Variants in ANKH observed in about 807,000 individuals in gnomAD.
ANKH encodes the protein ANKH inorganic pyrophosphate transport regulator.
In ANKH, 15 loss-of-function variants were observed where a neutral mutation model predicts 49.0. The observed-to-expected ratio is 0.31, with a 90% CI of 0.20 to 0.47. The LOEUF is 0.47. Ranked by LOEUF, ANKH falls within the 20% of genes least tolerant of loss-of-function variation. ANKH has a pLI of 1.00. For missense variants in ANKH, 429 were observed against 652.0 expected (o/e 0.66, Z 3.72); for synonymous variants, 273 against 260.0 (o/e 1.05, Z -0.48).
At chr5:14,771,196 A>G (rs1739419045) in intron 1 of ANKH, among the ~76,000 whole-genome samples, 1 of 152,244 alleles carries the variant, frequency 6.6e-6, no homozygotes, top group Non-Finnish European at 1.5e-5. Flanking sequence ...ATCTTCAAAC[A>G]TATATAAGAA....
chr5:14,750,639 G>A (rs1580034460), intron 5 of ANKH, among the ~76,000 whole-genome samples: 1 of 152,342 alleles, frequency 6.6e-6, no homozygotes, highest in East Asian at 1.9e-4. Flanking sequence ...ACCTGAATAA[G>A]GGACTGGGAT....
At position 14,758,951 on chromosome 5, in the gene ANKH, G is replaced by A. The variant is rs751233409; in HGVS notation, c.314-353C>T. Among the ~76,000 whole-genome samples, 26 of 152,132 alleles carry A rather than the reference G, an allele frequency of 1.7e-4. 1 individual carries two copies. The highest frequency in any genetic ancestry group is 6.5e-4 in the Admixed American group (10 of 15,276). ...CAATGAACTGAATTTCTTTTTGAGA[G>A]TTTGCTTGGTATCAGCTTGCCCAGT... On this transcript the variant is annotated intron_variant, in intron 2 of 11. Transcript: ENST00000284268.
chr5:14,752,368 T>C (rs777350066), intron 4 of ANKH, among the ~76,000 whole-genome samples: 6 of 152,160 alleles, frequency 3.9e-5, no homozygotes, highest in Non-Finnish European at 7.3e-5. Flanking sequence ...TAAAACAACT[T>C]ACATTAACAT....
chr5:14,743,819 T>C (rs1738443334), intron 7 of ANKH, among the ~76,000 whole-genome samples: 1 of 152,234 alleles, frequency 6.6e-6, no homozygotes. Context: ...AAGGAATTTT[T>C]TTATAGCTCC....
intron 1 of ANKH, chr5:14,870,832 G>T (rs1456237065): frequency 6.5e-6 from 1 of 152,956 alleles, no homozygotes; most frequent in Non-Finnish European, 1.4e-5. Flanking sequence ...TCCCAAACTA[G>T]AAATAAATGG....
rs1742213703 is a variant in ANKH at position 14,854,918 on chromosome 5, T to C, written c.96+16434A>G. On this transcript the variant is annotated intron_variant, in intron 1 of 11. Transcript: ENST00000284268. ...ACCTCCCTCTAATTCAGTAGCTATT[T>C]TGAAACCAAATTATCTTTCAAATCT... Among the ~76,000 whole-genome samples the C allele has an allele frequency of 3.3e-5, 5 of 152,122 alleles. No individual in the cohort carries two copies. The South Asian group carries it at 8.3e-4, about 25-fold the overall frequency.
intron 1 of ANKH, among the ~76,000 whole-genome samples, chr5:14,857,521 G>A (rs1008136174): frequency 6.6e-6 from 1 of 152,086 alleles, no homozygotes; most frequent in Non-Finnish European, 1.5e-5. Context: ...AGCCAGGAGT[G>A]GTGGTGGGTG....
chr5:14,822,924 C>G (rs1741237369), intron 1 of ANKH, among the ~76,000 whole-genome samples: 1 of 152,084 alleles, frequency 6.6e-6, no homozygotes, highest in Non-Finnish European at 1.5e-5. Flanking sequence ...GTCCCAGCTA[C>G]TCGGGAGGCT....
chr5:14,797,905 C>T (rs1561060433), intron 1 of ANKH: 6 of 1,609,474 alleles, frequency 3.7e-6, no homozygotes, highest in Non-Finnish European at 5.1e-6. Flanking sequence ...GGGTTGCATT[C>T]TCCAGAAGGA....
intron 1 of ANKH, among the ~76,000 whole-genome samples, chr5:14,836,286 A>G (rs1440430140): frequency 6.6e-6 from 1 of 152,194 alleles, no homozygotes; most frequent in African/African-American, 2.4e-5. Flanking sequence ...GGCAGGAGAA[A>G]GAAATAAAGG....
intron 1 of ANKH, among the ~76,000 whole-genome samples, chr5:14,809,341 A>T: frequency 7.0e-6 from 1 of 141,878 alleles, no homozygotes; most frequent in South Asian, 2.3e-4. Context: ...ATAATAAAAA[A>T]AAAAAAAAAA....
At chr5:14,765,708 C>A (rs1037089277) in intron 2 of ANKH, among the ~76,000 whole-genome samples, 8 of 152,144 alleles carry the variant, frequency 5.3e-5, no homozygotes, top group Non-Finnish European at 1.2e-4. Context: ...TTGGGGCAAA[C>A]CCAGTGAATG....
chr5:14,749,730 C>A (rs907154144), intron 5 of ANKH, among the ~76,000 whole-genome samples: 3 of 152,248 alleles, frequency 2.0e-5, no homozygotes, highest in Non-Finnish European at 4.4e-5. Context: ...TATTTGGAAT[C>A]AGTCAGCTCA....
In ANKH at chr5:14,755,847, C is replaced by G. The variant is rs771470228; in HGVS notation, c.516+14G>C. 1 of 1,612,820 alleles carries G rather than the reference C, an allele frequency of 6.2e-7. No individual in the cohort carries two copies. The highest frequency in any genetic ancestry group is 1.7e-5 in the Admixed American group (1 of 60,026). ...ACTCTGAGGAGCTCTGATTGACACA[C>G]AGACCATATTTACCTGAGCTATGAC... On this transcript the variant is annotated intron_variant, in intron 4 of 11. Coordinates refer to ENST00000284268, the MANE Select transcript of ANKH (RefSeq NM_054027.6).
At chr5:14,721,800 G>C (rs924005323) in intron 8 of ANKH, among the ~76,000 whole-genome samples, 3 of 151,964 alleles carry the variant, frequency 2.0e-5, no homozygotes, top group Non-Finnish European at 2.9e-5. Flanking sequence ...CATGGTGGCA[G>C]GCGCCTGTAG....
chr5:14,789,950 T>A (rs918844194), intron 1 of ANKH, among the ~76,000 whole-genome samples: 1 of 152,204 alleles, frequency 6.6e-6, no homozygotes, highest in African/African-American at 2.4e-5. Flanking sequence ...GCTCAAGCGA[T>A]CTACCCGCCT....
At chr5:14,793,019 T>TAAAA (rs1237362308) in intron 1 of ANKH, among the ~76,000 whole-genome samples, 2 of 79,172 alleles carry the variant, frequency 2.5e-5, no homozygotes, top group Middle Eastern at 4.9e-3. Flanking sequence ...TATATATATA[T>TAAAA]AAATATATAT....
chr5:14,833,794 T>C (rs1010057672), intron 1 of ANKH, among the ~76,000 whole-genome samples: 4 of 152,236 alleles, frequency 2.6e-5, no homozygotes, highest in South Asian at 2.1e-4. Context: ...CATCCCCTTA[T>C]GGACCATTTC....
At chr5:14,738,492 TG>T (rs1253373587) in intron 8 of ANKH, among the ~76,000 whole-genome samples, 2 of 152,138 alleles carry the variant, frequency 1.3e-5, no homozygotes, top group African/African-American at 4.8e-5. Context: ...GGCCAATGCG[TG>T]GAGGGCTGTG....
Sources: allele counts gnomAD v4.1 joint callset (sites outside exome capture counted in the v4.1 genomes callset), GRCh38; gene constraint gnomAD v4.1.1; transcripts MANE v1.5; gene names NCBI Gene and HGNC (gene_info 2026-07-23, HGNC 2026-07-21).